Variants in CNIH3 observed in about 807,000 individuals in gnomAD.
The protein encoded by CNIH3 is cornichon family AMPA receptor auxiliary protein 3.
In CNIH3, 14 loss-of-function variants were observed where a neutral mutation model predicts 24.1. The ratio of observed to expected loss-of-function variants is 0.58; its 90% confidence interval spans 0.38 to 0.91. The LOEUF (loss-of-function observed/expected upper bound fraction) is 0.91. CNIH3 is among the 40% of genes least tolerant of loss of function. The pLI is 0.00. For synonymous variants in CNIH3, 68 were observed against 73.8 expected (o/e 0.92, Z 0.40); for missense variants, 178 against 196.8 (o/e 0.90, Z 0.57).
chr1:224,442,044 G>T (rs1674939926), intron 1 of CNIH3, among the ~76,000 whole-genome samples: 1 of 139,132 alleles, frequency 7.2e-6, no homozygotes, highest in Non-Finnish European at 1.5e-5. Context: ...TTTGAGACAG[G>T]GTCTTCCTTC....
intron 1 of CNIH3, among the ~76,000 whole-genome samples, chr1:224,439,271 G>A (rs899315817): frequency 1.3e-5 from 2 of 152,198 alleles, no homozygotes; most frequent in Non-Finnish European, 2.9e-5. Context: ...GGATTTAAGC[G>A]CAAAGACAGG....
At chr1:224,637,013 G>A (rs532893855) in intron 1 of CNIH3, among the ~76,000 whole-genome samples, 201 of 149,948 alleles carry the variant, frequency 1.3e-3, no homozygotes, top group African/African-American at 4.5e-3. Context: ...GTGCAGTGGC[G>A]TGATCTTGGC....
At chr1:224,621,371 C>T (rs771006319) in intron 1 of CNIH3, among the ~76,000 whole-genome samples, 2 of 152,162 alleles carry the variant, frequency 1.3e-5, no homozygotes, top group Non-Finnish European at 2.9e-5. Context: ...ACAGTACCCA[C>T]CTGGAAACAA....
In CNIH3 at chr1:224,713,146, C is replaced by G. The variant is rs183072539; in HGVS notation, c.199-17316C>G. On this transcript the variant is annotated intron_variant, in intron 3 of 5. Coordinates refer to ENST00000272133, the MANE Select transcript of CNIH3 (RefSeq NM_152495.2). ...GAGCTCTGGATCTTCAGCAGCTGGT[C>G]AACCAGGTATCAAACACACACTGCC... 4.5e-4 allele frequency among the ~76,000 whole-genome samples: 69 copies of G among 152,310 alleles called. No individual in the cohort carries two copies. In the East Asian group the frequency reaches 6.8e-3, roughly 15 times the overall value.
At chr1:224,685,539 G>A (rs903677568) in intron 3 of CNIH3, among the ~76,000 whole-genome samples, 3 of 152,160 alleles carry the variant, frequency 2.0e-5, no homozygotes, top group East Asian at 1.9e-4. Context: ...GCAACTTGCC[G>A]GTAAAATAAC....
intron 3 of CNIH3, among the ~76,000 whole-genome samples, chr1:224,727,565 GA>G (rs1198568334): frequency 6.6e-6 from 1 of 152,204 alleles, no homozygotes; most frequent in Non-Finnish European, 1.5e-5. Context: ...GCTGGAAAAT[GA>G]GACCTTACCA....
At chr1:224,712,395 G>T (rs1382277044) in intron 3 of CNIH3, among the ~76,000 whole-genome samples, 1 of 152,164 alleles carries the variant, frequency 6.6e-6, no homozygotes, top group Non-Finnish European at 1.5e-5. Flanking sequence ...GCTGTGTGTT[G>T]TGGGTATTTA....
intron 3 of CNIH3, among the ~76,000 whole-genome samples, chr1:224,598,512 T>C (rs889555945): frequency 2.6e-5 from 4 of 152,230 alleles, no homozygotes; most frequent in Non-Finnish European, 4.4e-5. Context: ...GAAGTTCTAC[T>C]ATAGGCAAAA....
intron 1 of CNIH3, chr1:224,436,678 A>T (rs1198778161): frequency 6.6e-6 from 1 of 152,170 alleles, no homozygotes; most frequent in Non-Finnish European, 1.5e-5. Context: ...TGTTATCTGA[A>T]CTCTGGGTCT....
intron 1 of CNIH3, among the ~76,000 whole-genome samples, chr1:224,648,562 T>A (rs1684725214): frequency 6.6e-6 from 1 of 152,194 alleles, no homozygotes; most frequent in African/African-American, 2.4e-5. Flanking sequence ...TAATAGGCAT[T>A]CTTCATTCTT....
At chr1:224,518,915 T>A (rs1024507343) in intron 1 of CNIH3, among the ~76,000 whole-genome samples, 1 of 152,196 alleles carries the variant, frequency 6.6e-6, no homozygotes, top group Non-Finnish European at 1.5e-5. Context: ...CTTGGTGCAA[T>A]GGGTTCAATC....
At position 224,482,877 on chromosome 1, in the gene CNIH3, G is replaced by A. The variant is rs188492755; in HGVS notation, n.204-32864G>A. Among the ~76,000 whole-genome samples, 8 of 152,246 alleles carry A rather than the reference G, an allele frequency of 5.3e-5. No individual in the cohort carries two copies. In the East Asian group the frequency reaches 9.7e-4, roughly 18 times the overall value. On this transcript the variant is annotated intron_variant and non_coding_transcript_variant, in intron 1 of 5. Coordinates refer to the CNIH3 transcript ENST00000471578. ...CAAGTTAATTTAGGGCTCAGAGCAC[G>A]TTAGCCTGCGGTGACAAGGCTTGCT...
chr1:224,501,408 T>C (rs142990887), intron 1 of CNIH3, among the ~76,000 whole-genome samples: 1 of 152,110 alleles, frequency 6.6e-6, no homozygotes, highest in East Asian at 1.9e-4. Context: ...ACTATTATTA[T>C]TGTATCCAGT....
At chr1:224,717,220 A>G (rs1454612871) in intron 3 of CNIH3, among the ~76,000 whole-genome samples, 2 of 152,198 alleles carry the variant, frequency 1.3e-5, no homozygotes, top group Non-Finnish European at 2.9e-5. Context: ...TCTGGAGGTT[A>G]AAACCTCAAG....
chr1:224,631,346 C>T (rs1445356092), intron 1 of CNIH3, among the ~76,000 whole-genome samples: 1 of 152,146 alleles, frequency 6.6e-6, no homozygotes, highest in South Asian at 2.1e-4. Context: ...CATATTCTTT[C>T]AAGGTTTTGG....
chr1:224,488,732 T>G (rs1677128658), intron 1 of CNIH3, among the ~76,000 whole-genome samples: 1 of 152,330 alleles, frequency 6.6e-6, no homozygotes, highest in Non-Finnish European at 1.5e-5. Context: ...CTTTCCAAAA[T>G]GCTTGGATTA....
intron 1 of CNIH3, among the ~76,000 whole-genome samples, chr1:224,680,686 A>C (rs1686355127): frequency 6.6e-6 from 1 of 152,234 alleles, no homozygotes; most frequent in African/African-American, 2.4e-5. Flanking sequence ...ACCTGCCCTC[A>C]GCACAGTAGA....
intron 2 of CNIH3, among the ~76,000 whole-genome samples, chr1:224,529,744 T>TG (rs1678990023): frequency 6.6e-6 from 1 of 152,180 alleles, no homozygotes; most frequent in Non-Finnish European, 1.5e-5. Flanking sequence ...AGGGACTCCA[T>TG]GGGGAAAATG....
At chr1:224,641,266 C>G (rs957313868) in intron 1 of CNIH3, among the ~76,000 whole-genome samples, 1 of 152,208 alleles carries the variant, frequency 6.6e-6, no homozygotes, top group African/African-American at 2.4e-5. Context: ...AGAGAAGTTT[C>G]CCTTCTGAGG....
Sources: gnomAD v4.1 joint callset for allele counts (sites outside exome capture counted in the v4.1 genomes callset) on GRCh38, gnomAD v4.1.1 for gene constraint, MANE v1.5 for transcripts, NCBI Gene and HGNC (gene_info 2026-07-23, HGNC 2026-07-21) for gene names.